LRRC8D: variants seen among roughly 807,000 people sequenced by gnomAD.
LRRC8D encodes leucine rich repeat containing 8 VRAC subunit D, also known as volume-regulated anion channel subunit LRRC8D.
LRRC8D carries 20 observed loss-of-function variants against 55.8 expected under a neutral mutation model. That is an observed-to-expected ratio of 0.36 (90% CI 0.25 to 0.52). The LOEUF (loss-of-function observed/expected upper bound fraction) is 0.52, where lower values mean the gene tolerates loss of function less well. Ranked by LOEUF, LRRC8D falls within the 20% of genes least tolerant of loss-of-function variation. The probability of loss-of-function intolerance (pLI) is 0.93; values close to 1 mark genes in which losing one functional copy is unlikely to be tolerated. For missense variants in LRRC8D, 651 were observed against 1,030.8 expected (o/e 0.63, Z 5.05); for synonymous variants, 352 against 377.0 (o/e 0.93, Z 0.77).
At chr1:89,832,240 G>A (rs1451098569) in intron 1 of LRRC8D, among the ~76,000 whole-genome samples, 1 of 152,226 alleles carries the variant, frequency 6.6e-6, no homozygotes, top group African/African-American at 2.4e-5. Flanking sequence ...AGAGAAGAGA[G>A]TAATAATTTG....
At chr1:89,915,005 A>G (rs1429927707) in intron 2 of LRRC8D, among the ~76,000 whole-genome samples, 1 of 150,350 alleles carries the variant, frequency 6.7e-6, no homozygotes, top group Non-Finnish European at 1.5e-5. Flanking sequence ...GACTCTATCT[A>G]TCTTGCTCTA....
At chr1:89,825,023 T>C (rs1024438025) in intron 1 of LRRC8D, among the ~76,000 whole-genome samples, 1 of 152,226 alleles carries the variant, frequency 6.6e-6, no homozygotes, top group African/African-American at 2.4e-5. Flanking sequence ...CTTGGGCAGA[T>C]TTTTTTGGAG....
At chr1:89,859,245 A>G (rs1057406254) in intron 2 of LRRC8D, among the ~76,000 whole-genome samples, 2 of 151,978 alleles carry the variant, frequency 1.3e-5, no homozygotes, top group Non-Finnish European at 2.9e-5. Context: ...TAGCAAAGCT[A>G]GGTAATTTGA....
Position 89,911,763 on chromosome 1 carries a change from G to T in LRRC8D, c.-2-21304G>T, listed in dbSNP as rs538465263. Among the ~76,000 whole-genome samples, 7 of 152,250 alleles carry T rather than the reference G, an allele frequency of 4.6e-5. No homozygotes were observed. The highest frequency in any genetic ancestry group is 1.7e-4 in the African/African-American group (7 of 41,546). On this transcript the variant is annotated intron_variant, in intron 2 of 2. Coordinates refer to ENST00000337338, the MANE Select transcript of LRRC8D (RefSeq NM_001134479.2). This position sits in a 1 kb window ranked among gnomAD's most constrained non-coding sequence, Gnocchi z 4.0. ...AGGTGACTCTCAGCTGCCAGATCCA[G>T]CGGTCACTTTTGCCCCTTAACGTGC...
chr1:89,864,158 G>T (rs1392066037), intron 2 of LRRC8D, among the ~76,000 whole-genome samples: 1 of 152,152 alleles, frequency 6.6e-6, no homozygotes, highest in African/African-American at 2.4e-5. Flanking sequence ...TCTGTTTTTT[G>T]TCTTTGAACC....
At chr1:89,905,511 T>C (rs1326680107) in intron 2 of LRRC8D, among the ~76,000 whole-genome samples, 3 of 152,176 alleles carry the variant, frequency 2.0e-5, no homozygotes, top group Non-Finnish European at 4.4e-5. Context: ...CTATTGAAGT[T>C]TGAGGGAGCC....
chr1:89,923,321 T>C (rs182994226), intron 2 of LRRC8D, among the ~76,000 whole-genome samples: 6 of 152,362 alleles, frequency 3.9e-5, no homozygotes, highest in Admixed American at 1.3e-4. Flanking sequence ...TTACTAAATA[T>C]ATGTTTTTCA....
At chr1:89,884,239 G>T (rs539780400) in intron 2 of LRRC8D, among the ~76,000 whole-genome samples, 5 of 152,308 alleles carry the variant, frequency 3.3e-5, no homozygotes, top group African/African-American at 1.2e-4. Flanking sequence ...GGTTATAAAA[G>T]AAAACAATCT....
chr1:89,843,455 G>C (rs1661188023), intron 1 of LRRC8D, 183 bp from the exon 2 acceptor site: 1 of 414,296 alleles, frequency 2.4e-6, no homozygotes, highest in Non-Finnish European at 4.3e-6. Context: ...GCGCCACCTC[G>C]GCACCACGCG....
At chr1:89,872,576 A>G (rs949647595) in intron 2 of LRRC8D, among the ~76,000 whole-genome samples, 1 of 152,240 alleles carries the variant, frequency 6.6e-6, no homozygotes, top group African/African-American at 2.4e-5. Flanking sequence ...CACACGTCCA[A>G]GAGAATTTTC....
intron 2 of LRRC8D, among the ~76,000 whole-genome samples, chr1:89,902,162 G>A (rs1662874769): frequency 6.6e-6 from 1 of 152,266 alleles, no homozygotes; most frequent in Non-Finnish European, 1.5e-5. Flanking sequence ...ACAATTAAAT[G>A]CCAGAAATGG....
intron 2 of LRRC8D, among the ~76,000 whole-genome samples, chr1:89,860,785 A>AAAAAAAAAAAAAATAT (rs1553123917): frequency 3.5e-5 from 1 of 28,198 alleles, no homozygotes. Context: ...AAAAAAAAAA[A>AAAAAAAAAAAAAATAT]ATATATATAT....
At chr1:89,921,364 T>C (rs1195210098) in intron 2 of LRRC8D, among the ~76,000 whole-genome samples, 1 of 152,130 alleles carries the variant, frequency 6.6e-6, no homozygotes, top group African/African-American at 2.4e-5. Context: ...AAAGAAAAAC[T>C]AAGTATAATT....
At chr1:89,848,729 T>G (rs1341402617) in intron 2 of LRRC8D, among the ~76,000 whole-genome samples, 1 of 151,976 alleles carries the variant, frequency 6.6e-6, no homozygotes, top group East Asian at 1.9e-4. Flanking sequence ...AGACTGAGTC[T>G]CGCCTTGTCA....
At chr1:89,904,391 T>C (rs1662940638) in intron 2 of LRRC8D, among the ~76,000 whole-genome samples, 1 of 152,214 alleles carries the variant, frequency 6.6e-6, no homozygotes, top group Non-Finnish European at 1.5e-5. Flanking sequence ...ATCAGCTGCC[T>C]GCTGGTCTGG....
intron 2 of LRRC8D, among the ~76,000 whole-genome samples, chr1:89,907,294 C>T (rs559816152): frequency 1.4e-5 from 2 of 146,508 alleles, no homozygotes; most frequent in African/African-American, 2.5e-5. Flanking sequence ...CGGGTTCAGG[C>T]GATTCTCCTG....
chr1:89,900,902 T>A (rs1662832848), intron 2 of LRRC8D, among the ~76,000 whole-genome samples: 1 of 152,184 alleles, frequency 6.6e-6, no homozygotes, highest in Non-Finnish European at 1.5e-5. Context: ...CAATGGTGAT[T>A]TCAGTTCTTT....
At chr1:89,884,795 A>G (rs1395881318) in intron 2 of LRRC8D, among the ~76,000 whole-genome samples, 1 of 152,216 alleles carries the variant, frequency 6.6e-6, no homozygotes, top group Non-Finnish European at 1.5e-5. Context: ...AACTGGTAAT[A>G]ACAATTACTT....
intron 2 of LRRC8D, among the ~76,000 whole-genome samples, chr1:89,852,191 C>T (rs1449755592): frequency 2.6e-5 from 4 of 152,078 alleles, no homozygotes; most frequent in East Asian, 1.9e-4. Flanking sequence ...GAATTGTTCT[C>T]GTATTGTGCT....
Sources: allele counts gnomAD v4.1 joint callset (sites outside exome capture counted in the v4.1 genomes callset), GRCh38; gene constraint gnomAD v4.1.1; non-coding constraint Gnocchi (gnomAD v3.1); transcripts MANE v1.5; gene names NCBI Gene and HGNC (gene_info 2026-07-23, HGNC 2026-07-21).